ALDH1L2: variants seen among roughly 807,000 people sequenced by gnomAD.
The protein encoded by ALDH1L2 is aldehyde dehydrogenase 1 family member L2.
Under a neutral mutation model 111.0 loss-of-function variants are expected in ALDH1L2, and 91 were observed. That is an observed-to-expected ratio of 0.82 (90% CI 0.69 to 0.98). ALDH1L2 has a LOEUF of 0.98. ALDH1L2 is among the 50% of genes least tolerant of loss of function. ALDH1L2 has a pLI of 0.00. For synonymous variants in ALDH1L2, 374 were observed against 392.6 expected (o/e 0.95, Z 0.56); for missense variants, 995 against 1,126.8 (o/e 0.88, Z 1.67).
intron 10 of ALDH1L2, among the ~76,000 whole-genome samples, chr12:105,056,477 C>T (rs1056151171): frequency 2.0e-5 from 3 of 151,716 alleles, no homozygotes; most frequent in African/African-American, 7.3e-5. Context: ...ATAAAGAGTA[C>T]TGGTAAAGGT....
intron 4 of ALDH1L2, 50 bp from the exon 5 acceptor site, chr12:105,066,719 A>G: frequency 6.6e-7 from 1 of 1,516,332 alleles, no homozygotes; most frequent in Non-Finnish European, 9.2e-7. Context: ...CAACAATGGC[A>G]TGGTCTATTT....
chr12:105,053,853 T>A (rs201717106), intron 10 of ALDH1L2, among the ~76,000 whole-genome samples: 4 of 59,254 alleles, frequency 6.8e-5, no homozygotes, highest in Admixed American at 2.0e-4. Flanking sequence ...TTATTATATA[T>A]TATTATTATA....
chr12:105,070,374 A>G (rs1877608115), intron 3 of ALDH1L2, 196 bp downstream of exon 3: 1 of 581,470 alleles, frequency 1.7e-6, no homozygotes, highest in Non-Finnish European at 3.0e-6. Context: ...AAACAGAAAG[A>G]ATATAGGCAA....
Position 105,052,918 on chromosome 12 carries a change from ACCT to A in ALDH1L2, c.1298_1300del (p.Glu433del). 1 of 1,613,618 alleles carries A rather than the reference ACCT, an allele frequency of 6.2e-7. No individual in the cohort carries two copies. The highest frequency in any genetic ancestry group is 8.5e-7 in the Non-Finnish European group (1 of 1,179,610). Reference sequence around the variant, plus strand: ...TGGCATTTTTACCATGATTTCATTGACCTCCTTTGAAATCTGAGAGAAGTATAT... The same window carrying A: ...TGGCATTTTTACCATGATTTCATTGACCTTTGAAATCTGAGAGAAGTATAT... On this transcript the variant is annotated inframe_deletion, in exon 11 of 23. Transcript: ENST00000258494.
intron 18 of ALDH1L2, among the ~76,000 whole-genome samples, chr12:105,036,512 T>TATATA (rs1875122347): frequency 1.8e-5 from 1 of 56,082 alleles, no homozygotes; most frequent in Non-Finnish European, 3.5e-5. Flanking sequence ...TATATATATA[T>TATATA]TTTATATATA....
intron 20 of ALDH1L2, 120 bp from the exon 21 acceptor site, chr12:105,030,549 G>T: frequency 1.4e-6 from 1 of 695,726 alleles, no homozygotes; most frequent in Non-Finnish European, 2.2e-6. Context: ...AAACCAAGAA[G>T]AGTTGCATTT....
intron 13 of ALDH1L2, chr12:105,049,452 G>A (rs1876116007): frequency 6.6e-6 from 1 of 152,382 alleles, no homozygotes; most frequent in Non-Finnish European, 1.5e-5. Context: ...GCATGTGCTG[G>A]AAACTTAACC....
chr12:105,022,178 C>T lies in ALDH1L2; in HGVS notation c.*2246G>A, dbSNP rs1416708643. 1 of 152,134 alleles carries T rather than the reference C, an allele frequency of 6.6e-6. No individual in the cohort carries two copies. The highest frequency in any genetic ancestry group is 2.4e-5 in the African/African-American group (1 of 41,418). 9.4% of individuals were successfully genotyped at this position (152,134 alleles called of 1,614,324 possible). A position where few individuals can be genotyped will look rare whatever the true frequency, so the allele number is the denominator to read the frequency against. ...TGGTAACTTTATGTATTACACAGAG[C>T]CTTTGATTCTGATCAGCCAGATCTA... On this transcript the variant is annotated 3_prime_UTR_variant, in exon 23 of 23. Transcript: ENST00000258494.
chr12:105,052,536 A>G (rs929940899), intron 11 of ALDH1L2, among the ~76,000 whole-genome samples: 3 of 152,198 alleles, frequency 2.0e-5, no homozygotes, highest in African/African-American at 7.2e-5. Flanking sequence ...AAGTTTTTTC[A>G]CATATATCTC....
At chr12:105,044,828 GGATT>G (rs1430011991) in intron 15 of ALDH1L2, among the ~76,000 whole-genome samples, 7 of 151,742 alleles carry the variant, frequency 4.6e-5, no homozygotes, top group African/African-American at 7.3e-5. Context: ...CCATAATTAT[GGATT>G]GATTAAGTAA....
chr12:105,061,343 G>A (rs1876991855), intron 8 of ALDH1L2, among the ~76,000 whole-genome samples: 12 of 152,054 alleles, frequency 7.9e-5, no homozygotes, highest in Admixed American at 6.6e-4. Context: ...GAATAGAGAC[G>A]CCCCCCAGGG....
chr12:105,065,474 G>A, intron 5 of ALDH1L2, 118 bp from the exon 6 acceptor site: 1 of 776,946 alleles, frequency 1.3e-6, no homozygotes, highest in Non-Finnish European at 2.1e-6. Context: ...AGGAATTTTT[G>A]CTTCTTAGTT....
At chr12:105,063,258 C>T (rs188726521) in intron 6 of ALDH1L2, among the ~76,000 whole-genome samples, 4 of 152,108 alleles carry the variant, frequency 2.6e-5, no homozygotes, top group Non-Finnish European at 5.9e-5. Context: ...AGGCAGATCA[C>T]GAGGTCAGGA....
rs1048878281 is a variant in ALDH1L2 at position 105,039,636 on chromosome 12, A to G, written c.2045+77T>C. 42 of 1,217,014 alleles carry G rather than the reference A, an allele frequency of 3.5e-5. No homozygotes were observed. In the East Asian group the frequency reaches 9.2e-4, roughly 27 times the overall value. 75.4% of individuals were successfully genotyped at this position (1,217,014 alleles called of 1,614,324 possible). ...AAGTTGATGTAGTTTTTCTCACTCA[A>G]AAAGTACCCTGTTTAAACAAAAATT... On this transcript the variant is annotated intron_variant, in intron 17 of 22. Transcript: ENST00000258494.
At position 105,049,882 on chromosome 12, in the gene ALDH1L2, TCAGAAC is replaced by T; in HGVS notation, c.1686+20_1686+25del. 1 of 1,593,712 alleles carries T rather than the reference TCAGAAC, an allele frequency of 6.3e-7. No homozygotes were observed. Among genetic ancestry groups the T allele is most frequent in the Admixed American group, 1.7e-5 (1 of 57,790 alleles). ...TAATCAATGTTAGTCCCTTTTTCTT[TCAGAAC>T]AAATAATATTTGTGCTTACCTGAAT... On this transcript the variant is annotated intron_variant, in intron 13 of 22. Coordinates refer to ENST00000258494, the MANE Select transcript of ALDH1L2 (RefSeq NM_001034173.4).
At chr12:105,049,546 C>G (rs542676423) in intron 13 of ALDH1L2, 1 of 156,286 alleles carries the variant, frequency 6.4e-6, no homozygotes, top group African/African-American at 2.4e-5. Context: ...GGATCAATGC[C>G]GCTATAAAAA....
intron 12 of ALDH1L2, chr12:105,050,632 C>A (rs118150892): frequency 6.8e-6 from 3 of 443,204 alleles, no homozygotes; most frequent in African/African-American, 4.1e-5. Flanking sequence ...CCTTTGGGGC[C>A]ACTCTAGAGT....
chr12:105,043,171 G>A (rs955310564), intron 15 of ALDH1L2, among the ~76,000 whole-genome samples: 1 of 149,286 alleles, frequency 6.7e-6, no homozygotes, highest in Non-Finnish European at 1.5e-5. Context: ...GAGCTCACAA[G>A]ACCAAGAGGG....
chr12:105,075,321 A>G (rs980558347), intron 1 of ALDH1L2, among the ~76,000 whole-genome samples: 4 of 152,230 alleles, frequency 2.6e-5, no homozygotes, highest in African/African-American at 9.6e-5. Flanking sequence ...GCGGTGGCTC[A>G]CGCCTGTAAT....
Sources: allele counts gnomAD v4.1 joint callset (sites outside exome capture counted in the v4.1 genomes callset), GRCh38; gene constraint gnomAD v4.1.1; transcripts MANE v1.5; gene names NCBI Gene and HGNC (gene_info 2026-07-23, HGNC 2026-07-21).